The following CTPS2 variants were observed in gnomAD, a reference collection of about 807,000 sequenced individuals.
The protein encoded by CTPS2 is CTP synthase 2, also known as CTP synthase II.
CTPS2 carries 19 observed loss-of-function variants against 46.8 expected under a neutral mutation model. The observed-to-expected ratio is 0.41, with a 90% CI of 0.28 to 0.60. The LOEUF is 0.60. Ranked by LOEUF, CTPS2 falls within the 20% of genes least tolerant of loss-of-function variation. The probability of loss-of-function intolerance (pLI) is 0.35; values close to 1 mark genes in which losing one functional copy is unlikely to be tolerated. For synonymous variants in CTPS2, 151 were observed against 165.2 expected (o/e 0.91, Z 0.66); for missense variants, 286 against 447.6 (o/e 0.64, Z 3.26).
At chrX:16,661,133 T>A (rs904235249) in intron 13 of CTPS2, among the ~76,000 whole-genome samples, 1 of 111,134 alleles carries the variant, frequency 9.0e-6, no homozygotes, top group Non-Finnish European at 1.9e-5. Context: ...TAATTTTTTG[T>A]ATTTTTAGTA....
At chrX:16,693,286 G>A (rs1302962895) in intron 5 of CTPS2, 62 bp from the exon 6 acceptor site, 2 of 1,063,875 alleles carry the variant, frequency 1.9e-6, no homozygotes, top group African/African-American at 1.8e-5. Context: ...GATTAATGGT[G>A]CCCCACTTTC....
At chrX:16,655,791 C>CT (rs935187994) in intron 13 of CTPS2, among the ~76,000 whole-genome samples, 5 of 108,826 alleles carry the variant, frequency 4.6e-5, no homozygotes, top group African/African-American at 1.3e-4. Flanking sequence ...TTTTCTTTTT[C>CT]TTTTTTTTTC....
chrX:16,598,789 C>T (rs1291540536), intron 17 of CTPS2, among the ~76,000 whole-genome samples: 1 of 111,487 alleles, frequency 9.0e-6, no homozygotes, highest in African/African-American at 3.3e-5. Flanking sequence ...CCTTGATGAA[C>T]ATTGATGCAA....
chrX:16,639,279 G>A, intron 13 of CTPS2, 36 bp from the exon 14 acceptor site: 1 of 1,039,432 alleles, frequency 9.6e-7, no homozygotes, highest in South Asian at 1.9e-5. Flanking sequence ...TTGCCATCTT[G>A]TAAAAATGTC....
intron 17 of CTPS2, among the ~76,000 whole-genome samples, chrX:16,607,680 T>C (rs1475034019): frequency 8.8e-6 from 1 of 112,999 alleles, no homozygotes; most frequent in Non-Finnish European, 1.9e-5. Flanking sequence ...AGCACACACG[T>C]GCACACCACA....
At chrX:16,662,012 A>ATATATATATATATATATATATATATG (rs1555967619) in intron 13 of CTPS2, among the ~76,000 whole-genome samples, 2,136 of 105,157 alleles carry the variant, frequency 0.02, 38 homozygotes, top group Non-Finnish European at 0.03. Context: ...ATATATATAT[A>ATATATATATATATATATATATATATG]TGCCTCAAAA....
In CTPS2 at chrX:16,687,683, C is replaced by T. The variant is rs1007903651; in HGVS notation, c.872+1767G>A. Among the ~76,000 whole-genome samples the T allele has an allele frequency of 5.4e-5, 6 of 110,511 alleles. No homozygotes were observed. In the Admixed American group the frequency reaches 5.9e-4, roughly 11 times the overall value. ...GAGCAAGGGTTTTAGAGAATCTAAGCTCAGAAACTGCTCTTCCTTCCTGAT... is the reference window on the plus strand; with the variant it reads ...GAGCAAGGGTTTTAGAGAATCTAAGTTCAGAAACTGCTCTTCCTTCCTGAT... On this transcript the variant is annotated intron_variant, in intron 8 of 18. Transcript: ENST00000359276.
rs755410764 is a variant in CTPS2 at position 16,689,565 on chromosome X, C to T, written c.757G>A (p.Val253Ile). The change falls in exon 8 of 19, where the codon GTT becomes ATT. Residue 253 changes from valine (V) to isoleucine (I), a missense_variant. Physicochemically the swap from Val to Ile is conservative, Grantham distance 29. Coordinates refer to ENST00000359276, the MANE Select transcript of CTPS2 (RefSeq NM_175859.3). ...CIHDVSSTYR[V>I]PVLLEEQSIV... ...CTTTGTTCCTCTAAAAGCACAGGAA[C>T]TCGGTATGTGGAAGAAACATCATGG... 15 of 1,208,152 alleles carry T rather than the reference C, an allele frequency of 1.2e-5. No individual in the cohort carries two copies. In the East Asian group the frequency reaches 2.1e-4, roughly 17 times the overall value.
intron 13 of CTPS2, among the ~76,000 whole-genome samples, chrX:16,661,655 T>G (rs1193490049): frequency 8.9e-6 from 1 of 112,118 alleles, no homozygotes; most frequent in Non-Finnish European, 1.9e-5. Context: ...GATGTAAAAT[T>G]CACTTAACCC....
chrX:16,603,565 G>A (rs73448235), intron 17 of CTPS2, among the ~76,000 whole-genome samples: 1 of 110,546 alleles, frequency 9.0e-6, no homozygotes, highest in Middle Eastern at 4.2e-3. Context: ...ATAAAAGAGT[G>A]TGGGTGTGTG....
intron 1 of CTPS2, among the ~76,000 whole-genome samples, chrX:16,707,999 A>G (rs747723839): frequency 3.1e-4 from 34 of 110,161 alleles, no homozygotes; most frequent in African/African-American, 1.1e-3. Context: ...AAAAAATAAA[A>G]AGAGAGAGAG....
chrX:16,693,623 G>T, intron 4 of CTPS2, 136 bp from the exon 5 acceptor site: 1 of 477,655 alleles, frequency 2.1e-6, no homozygotes, highest in East Asian at 3.5e-5. Flanking sequence ...TTATAAATAC[G>T]TTCAAAATCA....
chrX:16,654,419 A>G (rs1932771049), intron 13 of CTPS2: 2 of 1,193,765 alleles, frequency 1.7e-6, no homozygotes, highest in East Asian at 3.0e-5. Flanking sequence ...CAAACACCCT[A>G]GATGATCTCT....
chrX:16,651,703 T>A (rs1347024144), intron 13 of CTPS2, among the ~76,000 whole-genome samples: 1 of 112,282 alleles, frequency 8.9e-6, no homozygotes, highest in Non-Finnish European at 1.9e-5. Flanking sequence ...TAAACAACTT[T>A]CAAGAAAGGA....
At chrX:16,701,069 G>T (rs1461588137) in intron 2 of CTPS2, among the ~76,000 whole-genome samples, 1 of 111,610 alleles carries the variant, frequency 9.0e-6, no homozygotes, top group African/African-American at 3.3e-5. Context: ...AGGTCAAAGG[G>T]CAGGGAAATG....
intron 9 of CTPS2, among the ~76,000 whole-genome samples, chrX:16,681,357 C>T (rs1327125044): frequency 9.0e-6 from 1 of 111,299 alleles, no homozygotes; most frequent in Non-Finnish European, 1.9e-5. Flanking sequence ...GATCTTTTTA[C>T]TCATTATACA....
At chrX:16,645,910 A>T (rs1932297402) in intron 13 of CTPS2, among the ~76,000 whole-genome samples, 1 of 112,743 alleles carries the variant, frequency 8.9e-6, no homozygotes, top group Non-Finnish European at 1.9e-5. Context: ...GCCTTCTACC[A>T]CATGATGACA....
In CTPS2 at chrX:16,599,467, C is replaced by CTTTTTTTTTTTTT. The variant is rs1009319649; in HGVS notation, c.1692-8606_1692-8605insAAAAAAAAAAAAA. ...ATGTAGTTCTTTTCTTTTTCTTTTT[C>CTTTTTTTTTTTTT]TTTTTTTTCTTTTTTTTTTTTTTTT... On this transcript the variant is annotated intron_variant, in intron 17 of 18. Transcript: ENST00000359276. Among the ~76,000 whole-genome samples the CTTTTTTTTTTTTT allele has an allele frequency of 2.1e-5, 2 of 94,561 alleles. 1 individual carries two copies. The highest frequency in any genetic ancestry group is 8.3e-5 in the African/African-American group (2 of 24,140). 82.1% of individuals were successfully genotyped at this position (94,561 alleles called of 115,157 possible).
At chrX:16,625,309 A>T (rs1014196963) in intron 14 of CTPS2, among the ~76,000 whole-genome samples, 1 of 112,642 alleles carries the variant, frequency 8.9e-6, no homozygotes, top group Non-Finnish European at 1.9e-5. Flanking sequence ...ATACTGTATG[A>T]TTCTACTTCA....
Sources: allele counts gnomAD v4.1 joint callset (sites outside exome capture counted in the v4.1 genomes callset), GRCh38; gene constraint gnomAD v4.1.1; transcripts MANE v1.5; gene names NCBI Gene and HGNC (gene_info 2026-07-23, HGNC 2026-07-21).